SLC35F3: variants seen among roughly 807,000 people sequenced by gnomAD.
SLC35F3 encodes solute carrier family 35 member F3, also known as putative thiamine transporter SLC35F3.
In SLC35F3, 25 loss-of-function variants were observed where a neutral mutation model predicts 49.9. The observed-to-expected ratio is 0.50, with a 90% CI of 0.37 to 0.70. The LOEUF (loss-of-function observed/expected upper bound fraction) is 0.70. Among genes scored for constraint, SLC35F3 ranks in the 30% least tolerant of loss-of-function variants. SLC35F3 has a pLI of 0.00. For missense variants in SLC35F3, 525 were observed against 639.8 expected (o/e 0.82, Z 1.94); for synonymous variants, 275 against 265.4 (o/e 1.04, Z -0.35).
At chr1:234,145,326 G>A (rs1016023979) in intron 2 of SLC35F3, among the ~76,000 whole-genome samples, 3 of 152,188 alleles carry the variant, frequency 2.0e-5, no homozygotes, top group African/African-American at 7.2e-5. Context: ...AAGCTCTGGA[G>A]TATTTTGAAT....
At chr1:234,267,681 C>T (rs1334157210) in intron 3 of SLC35F3, among the ~76,000 whole-genome samples, 1 of 146,478 alleles carries the variant, frequency 6.8e-6, no homozygotes, top group Non-Finnish European at 1.5e-5. Flanking sequence ...CGGGCGGAGA[C>T]GCTCCTCACT....
At chr1:234,173,910 G>T (rs1367559911) in intron 2 of SLC35F3, among the ~76,000 whole-genome samples, 1 of 152,202 alleles carries the variant, frequency 6.6e-6, no homozygotes, top group Non-Finnish European at 1.5e-5. Context: ...AGGTGGGCTT[G>T]GGAGCGATTT....
At chr1:233,963,186 T>G (rs1365257240) in intron 2 of SLC35F3, among the ~76,000 whole-genome samples, 1 of 152,224 alleles carries the variant, frequency 6.6e-6, no homozygotes, top group East Asian at 1.9e-4. Flanking sequence ...ACTGTCAATG[T>G]TGGGGGTGGG....
chr1:234,109,816 G>A (rs1211310861), intron 2 of SLC35F3, among the ~76,000 whole-genome samples: 1 of 152,182 alleles, frequency 6.6e-6, no homozygotes, highest in Non-Finnish European at 1.5e-5. Context: ...CCTGGGCTCT[G>A]AAGTCAGGAG....
At chr1:234,159,773 A>C (rs1330428125) in intron 2 of SLC35F3, among the ~76,000 whole-genome samples, 1 of 152,130 alleles carries the variant, frequency 6.6e-6, no homozygotes, top group African/African-American at 2.4e-5. Context: ...CCATGCCTTC[A>C]TTCCCTCACT....
chr1:234,010,555 GA>G (rs765584797), intron 2 of SLC35F3, among the ~76,000 whole-genome samples: 8 of 152,128 alleles, frequency 5.3e-5, no homozygotes, highest in Non-Finnish European at 1.0e-4. Context: ...GTGGCTGGTT[GA>G]ATTTTAAAAA....
At chr1:234,249,417 G>A (rs1413965510) in intron 3 of SLC35F3, among the ~76,000 whole-genome samples, 1 of 152,156 alleles carries the variant, frequency 6.6e-6, no homozygotes, top group Non-Finnish European at 1.5e-5. Flanking sequence ...AGGCAGGAGA[G>A]GAACCTCCCC....
intron 2 of SLC35F3, among the ~76,000 whole-genome samples, chr1:234,181,381 AG>A (rs1332915789): frequency 1.5e-4 from 23 of 151,916 alleles, no homozygotes; most frequent in African/African-American, 5.6e-4. Context: ...AAAAGAAAAA[AG>A]AGAGAAAAAA....
At position 234,142,815 on chromosome 1, in the gene SLC35F3, C is replaced by T. The variant is rs147192833; in HGVS notation, c.284-88602C>T. On this transcript the variant is annotated intron_variant, in intron 2 of 7. Transcript: ENST00000366618. ...TTCAGATTCAAGGTATCTGATCTCA[C>T]CAGGGTCACATGGCCAAATATGTAA... Among the ~76,000 whole-genome samples the T allele has an allele frequency of 3.2e-3, 490 of 152,210 alleles. 2 individuals are homozygous for T. Among genetic ancestry groups the T allele is most frequent in the African/African-American group, 0.011 (465 of 41,522 alleles).
At chr1:233,918,797 T>TC in intron 2 of SLC35F3, among the ~76,000 whole-genome samples, 1 of 53,730 alleles carries the variant, frequency 1.9e-5, no homozygotes, top group African/African-American at 3.9e-5. Flanking sequence ...TCTCTCTCTC[T>TC]TTCTCTCTCT....
chr1:234,287,936 G>A (rs577313298), intron 3 of SLC35F3, among the ~76,000 whole-genome samples: 1 of 152,292 alleles, frequency 6.6e-6, no homozygotes, highest in South Asian at 2.1e-4. Context: ...ACCCAGGCTG[G>A]AGTGCAGTAG....
intron 2 of SLC35F3, among the ~76,000 whole-genome samples, chr1:234,131,594 A>C (rs539927614): frequency 6.6e-6 from 1 of 152,314 alleles, no homozygotes; most frequent in African/African-American, 2.4e-5. Context: ...TGATGTTCAT[A>C]CATCCGTCTG....
intron 2 of SLC35F3, among the ~76,000 whole-genome samples, chr1:234,190,283 G>A (rs1478153042): frequency 1.3e-5 from 2 of 152,144 alleles, no homozygotes; most frequent in Non-Finnish European, 2.9e-5. Context: ...TTGCAGAATG[G>A]ATAAGAATTC....
chr1:234,165,424 G>T (rs1325455191), intron 2 of SLC35F3, among the ~76,000 whole-genome samples: 2 of 152,132 alleles, frequency 1.3e-5, no homozygotes, highest in Non-Finnish European at 2.9e-5. Context: ...AGAGAGAGAA[G>T]GTCTCCCCTT....
intron 3 of SLC35F3, among the ~76,000 whole-genome samples, chr1:234,274,654 A>G (rs1668170497): frequency 6.6e-6 from 1 of 152,106 alleles, no homozygotes; most frequent in Non-Finnish European, 1.5e-5. Flanking sequence ...TCTCCTAACC[A>G]CACTTGGAAA....
intron 3 of SLC35F3, among the ~76,000 whole-genome samples, chr1:234,241,765 A>G (rs1448425745): frequency 2.0e-5 from 3 of 151,570 alleles, no homozygotes; most frequent in African/African-American, 4.9e-5. Context: ...AATGGAGACA[A>G]TAATGCCTGT....
intron 3 of SLC35F3, among the ~76,000 whole-genome samples, chr1:234,279,258 T>C (rs749221025): frequency 2.0e-5 from 3 of 152,122 alleles, no homozygotes; most frequent in Admixed American, 1.3e-4. Context: ...GGCAATCAGA[T>C]ATGCATCTAT....
intron 2 of SLC35F3, among the ~76,000 whole-genome samples, chr1:233,946,339 A>G (rs749597928): frequency 2.0e-5 from 3 of 152,322 alleles, no homozygotes; most frequent in Middle Eastern, 3.4e-3. Flanking sequence ...AACTCAGACA[A>G]AGCCAGCCAA....
At chr1:234,161,269 G>C (rs1417871350) in intron 2 of SLC35F3, among the ~76,000 whole-genome samples, 1 of 152,194 alleles carries the variant, frequency 6.6e-6, no homozygotes. Context: ...CAACTTTACA[G>C]ATGGAGGAAA....
Sources: gnomAD v4.1 joint callset for allele counts (sites outside exome capture counted in the v4.1 genomes callset) on GRCh38, gnomAD v4.1.1 for gene constraint, MANE v1.5 for transcripts, NCBI Gene and HGNC (gene_info 2026-07-23, HGNC 2026-07-21) for gene names.